Variants in ITPRID1 observed in about 807,000 individuals in gnomAD.
ITPRID1 encodes the protein protein ITPRID1.
Under a neutral mutation model 95.4 loss-of-function variants are expected in ITPRID1, and 96 were observed. The ratio of observed to expected loss-of-function variants is 1.01; its 90% CI spans 0.85 to 1.19. The LOEUF (loss-of-function observed/expected upper bound fraction) is 1.19, where lower values mean the gene tolerates loss of function less well. Among genes scored for constraint, ITPRID1 ranks in the 50% most tolerant of loss-of-function variants. The probability of loss-of-function intolerance (pLI) is 0.00; values close to 1 mark genes in which losing one functional copy is unlikely to be tolerated. For synonymous variants in ITPRID1, 510 were observed against 453.6 expected (o/e 1.12, Z -1.58); for missense variants, 1,339 against 1,252.9 (o/e 1.07, Z -1.04).
At chr7:31,514,862 A>G (rs1170962425) in intron 1 of ITPRID1, among the ~76,000 whole-genome samples, 1 of 151,648 alleles carries the variant, frequency 6.6e-6, no homozygotes, top group Non-Finnish European at 1.5e-5. Context: ...CATGAATTTT[A>G]TGTAATATAT....
intron 1 of ITPRID1, chr7:31,517,426 C>T (rs1783080685): frequency 6.6e-6 from 1 of 152,406 alleles, no homozygotes; most frequent in East Asian, 1.9e-4. Context: ...CTTTCCAGCA[C>T]CTAGCCTGGG....
chr7:31,651,042 GA>G, intron 12 of ITPRID1, 99 bp from the exon 13 acceptor site: 2 of 1,405,828 alleles, frequency 1.4e-6, no homozygotes, highest in Non-Finnish European at 9.6e-7. Context: ...GCCTGTTTGC[GA>G]AAAAAGGGAT....
intron 1 of ITPRID1, among the ~76,000 whole-genome samples, chr7:31,516,289 TATGTG>T (rs2128125434): frequency 6.6e-6 from 1 of 152,316 alleles, no homozygotes; most frequent in South Asian, 2.1e-4. Flanking sequence ...TGTATGTATG[TATGTG>T]TGTACTATTG....
chr7:31,586,012 C>T (rs1210245032), intron 10 of ITPRID1, among the ~76,000 whole-genome samples: 1 of 143,718 alleles, frequency 7.0e-6, no homozygotes, highest in Non-Finnish European at 1.5e-5. Context: ...ACAACAGTCC[C>T]CAGAGTGTGA....
intron 2 of ITPRID1, among the ~76,000 whole-genome samples, chr7:31,551,226 A>G (rs1784276348): frequency 7.0e-6 from 1 of 143,784 alleles, no homozygotes; most frequent in Admixed American, 7.0e-5. Context: ...TGTTATTAGC[A>G]TTCATGCTCA....
chr7:31,552,966 A>G, intron 2 of ITPRID1, 36 bp from the exon 3 acceptor site: 3 of 1,559,698 alleles, frequency 1.9e-6, no homozygotes, highest in Non-Finnish European at 2.6e-6. Flanking sequence ...AGCTGAACTC[A>G]TCGTGTCTGA....
At chr7:31,519,539 A>G (rs1361478422) in intron 1 of ITPRID1, among the ~76,000 whole-genome samples, 1 of 149,712 alleles carries the variant, frequency 6.7e-6, no homozygotes, top group Non-Finnish European at 1.5e-5. Context: ...ATCTATACAT[A>G]GATATATACG....
intron 10 of ITPRID1, among the ~76,000 whole-genome samples, chr7:31,618,766 T>C (rs1583595058): frequency 2.0e-5 from 3 of 152,210 alleles, no homozygotes; most frequent in Non-Finnish European, 4.4e-5. Context: ...AGCTGGCAAG[T>C]GTTGGCATCA....
chr7:31,563,643 C>T (rs578049429), intron 5 of ITPRID1, among the ~76,000 whole-genome samples: 1 of 152,128 alleles, frequency 6.6e-6, no homozygotes, highest in African/African-American at 2.4e-5. Flanking sequence ...CCTGAACTCA[C>T]TGTAGTGAGA....
At chr7:31,551,541 G>A (rs1784285214) in intron 2 of ITPRID1, among the ~76,000 whole-genome samples, 1 of 142,946 alleles carries the variant, frequency 7.0e-6, no homozygotes, top group Non-Finnish European at 1.6e-5. Context: ...TAATTGAAAT[G>A]TCTTCATTTT....
At chr7:31,537,922 C>T (rs371939729) in intron 1 of ITPRID1, among the ~76,000 whole-genome samples, 11 of 152,074 alleles carry the variant, frequency 7.2e-5, no homozygotes, top group African/African-American at 2.7e-4. Flanking sequence ...ACAAAATATT[C>T]CAGACATCTG....
intron 10 of ITPRID1, among the ~76,000 whole-genome samples, chr7:31,638,948 G>A (rs1252153640): frequency 2.0e-5 from 3 of 152,042 alleles, no homozygotes; most frequent in East Asian, 1.9e-4. Flanking sequence ...GCTAATTTTT[G>A]TATTTTTTGG....
intron 10 of ITPRID1, among the ~76,000 whole-genome samples, chr7:31,600,729 G>A (rs1786359437): frequency 6.6e-6 from 1 of 152,066 alleles, no homozygotes; most frequent in Admixed American, 6.5e-5. Context: ...GGGAATCATC[G>A]AGGCTTTCTT....
intron 1 of ITPRID1, among the ~76,000 whole-genome samples, chr7:31,519,630 A>ATG (rs1562543177): frequency 5.8e-5 from 6 of 103,524 alleles, no homozygotes; most frequent in African/African-American, 2.0e-4. Context: ...CTATATATAT[A>ATG]TATATATATA....
rs545684874 is a variant in ITPRID1 at position 31,576,421 on chromosome 7, T to A, written c.599-1442T>A. On this transcript the variant is annotated intron_variant, in intron 8 of 14. Transcript: ENST00000615280. Reference sequence around the variant, plus strand: ...TGACTTAACCAATTAAATTGGTAGGTTTTGTCTTAGTCTAAATTTAAAAAC... The same window carrying A: ...TGACTTAACCAATTAAATTGGTAGGATTTGTCTTAGTCTAAATTTAAAAAC... Among the ~76,000 whole-genome samples, 53 of 152,312 alleles carry A rather than the reference T, an allele frequency of 3.5e-4. 1 individual carries two copies. The highest frequency in any genetic ancestry group is 2.1e-4 in the South Asian group (1 of 4,830).
chr7:31,596,159 A>G (rs1786080243), intron 10 of ITPRID1, among the ~76,000 whole-genome samples: 1 of 151,424 alleles, frequency 6.6e-6, no homozygotes, highest in Non-Finnish European at 1.5e-5. Flanking sequence ...TAATAAAGTA[A>G]CATAATAGAA....
Position 31,651,182 on chromosome 7 carries a change from A to G in ITPRID1, c.2624A>G (p.Gln875Arg). ...HEMEAMKTIC[Q>R]SFREYLEEIE... Reference sequence around the variant, plus strand: ...ATGGAAGCCATGAAGACGATATGCCAAAGTTTCCGGGAGTATTTAGAAGAA... The same window carrying G: ...ATGGAAGCCATGAAGACGATATGCCGAAGTTTCCGGGAGTATTTAGAAGAA... The change falls in exon 13 of 15, where the codon CAA becomes CGA. Residue 875 changes from glutamine to arginine, a missense_variant. Gln to Arg is a conservative substitution (Grantham distance 43). Transcript: ENST00000615280. The G allele has an allele frequency of 6.2e-7, 1 of 1,613,562 alleles. No homozygotes were observed. Among genetic ancestry groups the G allele is most frequent in the South Asian group, 1.1e-5 (1 of 91,048 alleles).
At chr7:31,514,381 G>A (rs1432281702) in intron 1 of ITPRID1, among the ~76,000 whole-genome samples, 1 of 152,168 alleles carries the variant, frequency 6.6e-6, no homozygotes, top group Non-Finnish European at 1.5e-5. Flanking sequence ...GAAGTTGTTA[G>A]AATCAAATAA....
intron 10 of ITPRID1, among the ~76,000 whole-genome samples, chr7:31,599,907 C>G (rs1463914225): frequency 6.6e-6 from 1 of 151,922 alleles, no homozygotes; most frequent in Non-Finnish European, 1.5e-5. Context: ...ACTATGTTAG[C>G]CAGGATGGTC....
Sources: gnomAD v4.1 joint callset for allele counts (sites outside exome capture counted in the v4.1 genomes callset) on GRCh38, gnomAD v4.1.1 for gene constraint, MANE v1.5 for transcripts, NCBI Gene and HGNC (gene_info 2026-07-23, HGNC 2026-07-21) for gene names.